SATB2: variants seen among roughly 807,000 people sequenced by gnomAD.
SATB2 encodes DNA-binding protein SATB2.
SATB2 carries 1 observed loss-of-function variant against 73.4 expected under a neutral mutation model. The ratio of observed to expected loss-of-function variants is 0.01; its 90% CI spans 0.00 to 0.06. The LOEUF is 0.06. SATB2 is among the 10% of genes least tolerant of loss of function. The probability of loss-of-function intolerance (pLI) is 1.00; values close to 1 mark genes in which losing one functional copy is unlikely to be tolerated. For synonymous variants in SATB2, 397 were observed against 367.0 expected (o/e 1.08, Z -0.93); for missense variants, 459 against 945.8 (o/e 0.49, Z 6.75).
chr2:199,346,974 T>C (rs2105820331), intron 7 of SATB2: 1 of 151,666 alleles, frequency 6.6e-6, no homozygotes, highest in Non-Finnish European at 1.5e-5. Flanking sequence ...GGGATTCTTC[T>C]GCCTCAGCCT....
intron 3 of SATB2, among the ~76,000 whole-genome samples, chr2:199,429,005 CA>C (rs575684723): frequency 0.064 from 4,033 of 62,626 alleles, 137 homozygotes; most frequent in African/African-American, 0.19. Context: ...GACTCTGTCT[CA>C]AAAAAAAAAA....
intron 3 of SATB2, among the ~76,000 whole-genome samples, chr2:199,408,289 A>T (rs1690697617): frequency 6.6e-6 from 1 of 152,170 alleles, no homozygotes; most frequent in East Asian, 1.9e-4. Context: ...TATAAAACGG[A>T]ATAAGAATGT....
At chr2:199,428,983 G>A (rs1381226607) in intron 3 of SATB2, among the ~76,000 whole-genome samples, 1 of 139,998 alleles carries the variant, frequency 7.1e-6, no homozygotes, top group Non-Finnish European at 1.5e-5. Flanking sequence ...TGCAGCCTGG[G>A]ATACACATCA....
intron 2 of SATB2, among the ~76,000 whole-genome samples, chr2:199,444,781 G>A (rs1201259438): frequency 3.9e-5 from 6 of 152,138 alleles, no homozygotes; most frequent in East Asian, 3.9e-4. Context: ...GCACCATCAC[G>A]CTACATCTAG....
chr2:199,338,861 G>A (rs1003176283), intron 7 of SATB2, among the ~76,000 whole-genome samples: 1 of 148,832 alleles, frequency 6.7e-6, no homozygotes, highest in Non-Finnish European at 1.5e-5. Flanking sequence ...AGGTTGCAGT[G>A]AGCAGAGATG....
intron 3 of SATB2, among the ~76,000 whole-genome samples, chr2:199,406,352 A>G (rs1322492720): frequency 6.6e-6 from 1 of 152,160 alleles, no homozygotes; most frequent in Non-Finnish European, 1.5e-5. Context: ...TGTTTCCACA[A>G]TTTTTATTTT....
chr2:199,313,426 G>T (rs1371369656), intron 9 of SATB2, among the ~76,000 whole-genome samples: 1 of 152,108 alleles, frequency 6.6e-6, no homozygotes, highest in Non-Finnish European at 1.5e-5. Context: ...CTGCTTCCTT[G>T]CAATCAATGG....
At chr2:199,461,934 T>A (rs1280653383), upstream of SATB2, among the ~76,000 whole-genome samples, 1 of 152,212 alleles carries the variant, frequency 6.6e-6, no homozygotes, top group African/African-American at 2.4e-5. Flanking sequence ...TGGTCAACCT[T>A]CCTTCCTAGA....
intron 3 of SATB2, among the ~76,000 whole-genome samples, chr2:199,390,930 T>C (rs1269671908): frequency 6.6e-6 from 1 of 152,186 alleles, no homozygotes; most frequent in Non-Finnish European, 1.5e-5. Flanking sequence ...GGCAATATTA[T>C]GATGGCATGT....
chr2:199,313,459 G>A (rs895776850), intron 9 of SATB2, among the ~76,000 whole-genome samples: 2 of 152,048 alleles, frequency 1.3e-5, no homozygotes, highest in African/African-American at 4.8e-5. Context: ...AAGCATTAGG[G>A]TGCATAAGCA....
chr2:199,353,399 C>T (rs1316865050), intron 6 of SATB2, among the ~76,000 whole-genome samples: 1 of 152,010 alleles, frequency 6.6e-6, no homozygotes, highest in Admixed American at 6.6e-5. Flanking sequence ...AAGTGATCCA[C>T]CCGCCTCGGC....
intron 8 of SATB2, among the ~76,000 whole-genome samples, chr2:199,326,468 C>T (rs1325276306): frequency 6.6e-6 from 1 of 152,018 alleles, no homozygotes; most frequent in African/African-American, 2.4e-5. Context: ...CCTTGTAAGT[C>T]AGTCTGGCAC....
intron 5 of SATB2, among the ~76,000 whole-genome samples, chr2:199,374,225 T>C (rs530077103): frequency 1.3e-5 from 2 of 152,336 alleles, no homozygotes; most frequent in African/African-American, 2.4e-5. Flanking sequence ...TCCTCAAATA[T>C]TCAGCAACAA....
chr2:199,417,126 C>T (rs1031874895), intron 3 of SATB2, among the ~76,000 whole-genome samples: 7 of 151,386 alleles, frequency 4.6e-5, no homozygotes, highest in South Asian at 2.1e-4. Flanking sequence ...GTGTGCTGTG[C>T]GCTTAAATCA....
chr2:199,442,348 G>A (rs987701636), intron 2 of SATB2, among the ~76,000 whole-genome samples: 1 of 152,128 alleles, frequency 6.6e-6, no homozygotes, highest in African/African-American at 2.4e-5. Context: ...AGCGCTGTGC[G>A]TGACCACTAT....
Position 199,270,199 on chromosome 2 carries a change from T to C in SATB2, c.*2012A>G, listed in dbSNP as rs939677352. On this transcript the variant is annotated 3_prime_UTR_variant, in exon 11 of 11. Transcript: ENST00000417098. ...ACAACCATCCTTTTGCAAAGGTATA[T>C]GACGCTTATGTCAAGATAATTTTTA... 1 of 152,780 alleles carries C rather than the reference T, an allele frequency of 6.5e-6. No individual in the cohort carries two copies. Among genetic ancestry groups the C allele is most frequent in the Admixed American group, 6.5e-5 (1 of 15,280 alleles). 9.5% of individuals were successfully genotyped at this position (152,780 alleles called of 1,614,324 possible).
rs756865617 is a variant in SATB2 at position 199,433,473 on chromosome 2, C to A, written c.211G>T (p.Gly71Cys). 1.2e-6 allele frequency: 2 copies of A among 1,613,918 alleles called. No individual in the cohort carries two copies. Among genetic ancestry groups the A allele is most frequent in the Non-Finnish European group, 1.7e-6 (2 of 1,179,958 alleles). ...TCTCTGTTGTCATATTCAAGAGAGC[C>A]GTCCAACTGCTCCACGACACAAAAG... ...PVFCVVEQLD[G>C]SLEYDNREEH... Residue 71 changes from glycine (G) to cysteine (C), a missense_variant, in exon 3 of 11, where the codon GGC becomes TGC. Coordinates refer to ENST00000417098, the MANE Select transcript of SATB2 (RefSeq NM_001172509.2).
chr2:199,414,148 T>C (rs1385855855), intron 3 of SATB2, among the ~76,000 whole-genome samples: 1 of 152,190 alleles, frequency 6.6e-6, no homozygotes, highest in Non-Finnish European at 1.5e-5. Flanking sequence ...ATATCCTGCA[T>C]ACCAGCCAAG....
At chr2:199,449,169 AT>A (rs1485217676) in intron 2 of SATB2, among the ~76,000 whole-genome samples, 1 of 152,162 alleles carries the variant, frequency 6.6e-6, no homozygotes, top group Non-Finnish European at 1.5e-5. Context: ...GGGAAAAAAA[AT>A]GCATGCCATA....
Sources: allele counts gnomAD v4.1 joint callset (sites outside exome capture counted in the v4.1 genomes callset), GRCh38; gene constraint gnomAD v4.1.1; transcripts MANE v1.5; gene names NCBI Gene and HGNC (gene_info 2026-07-23, HGNC 2026-07-21).